The following ESR2 variants were observed in gnomAD, a reference collection of about 807,000 sequenced individuals.
ESR2 encodes the protein estrogen receptor 2.
ESR2 carries 36 observed loss-of-function variants against 49.6 expected under a neutral mutation model. The observed-to-expected ratio is 0.73, with a 90% CI of 0.56 to 0.96. ESR2 has a LOEUF of 0.96. Among genes scored for constraint, ESR2 ranks in the 40% least tolerant of loss-of-function variants. The pLI is 0.00. For missense variants in ESR2, 714 were observed against 693.0 expected (o/e 1.03, Z -0.34); for synonymous variants, 320 against 266.1 (o/e 1.20, Z -1.97).
At chr14:64,307,616 TCTC>T (rs1596479589) in intron 1 of ESR2, among the ~76,000 whole-genome samples, 1 of 149,996 alleles carries the variant, frequency 6.7e-6, no homozygotes. Context: ...CTCACTGCAA[TCTC>T]CGCCTCCTGG....
intron 1 of ESR2, among the ~76,000 whole-genome samples, chr14:64,285,355 C>T (rs775887882): frequency 2.6e-5 from 4 of 152,158 alleles, no homozygotes; most frequent in Admixed American, 1.3e-4. Flanking sequence ...ACACGAATCT[C>T]CTGCTGTTTT....
chr14:64,300,872 C>T (rs543176350), intron 1 of ESR2, among the ~76,000 whole-genome samples: 41 of 152,282 alleles, frequency 2.7e-4, no homozygotes, highest in Admixed American at 2.2e-3. Flanking sequence ...TCCCTTAATG[C>T]TTGCAATACC....
At chr14:64,281,162 G>GCCTGGA (rs1292072466) in intron 2 of ESR2, among the ~76,000 whole-genome samples, 2 of 152,140 alleles carry the variant, frequency 1.3e-5, no homozygotes, top group Non-Finnish European at 2.9e-5. Flanking sequence ...CAAGTGCCTG[G>GCCTGGA]CCTGGAAAGG....
chr14:64,243,452 C>T (rs1253818387), intron 7 of ESR2, among the ~76,000 whole-genome samples: 1 of 152,206 alleles, frequency 6.6e-6, no homozygotes, highest in African/African-American at 2.4e-5. Context: ...TTCAATGCAG[C>T]ATTGCCACAA....
rs1419868457 is a variant in ESR2 at position 64,241,141 on chromosome 14, G to A, written c.1226-5991C>T. Among the ~76,000 whole-genome samples the A allele has an allele frequency of 3.3e-4, 25 of 75,304 alleles. 1 individual carries two copies. The highest frequency in any genetic ancestry group is 4.6e-4 in the Non-Finnish European group (20 of 43,742). 49.4% of individuals were successfully genotyped at this position (75,304 alleles called of 152,430 possible). The stretch of plus-strand genomic sequence containing the variant: ...CGCCTGGGCCACAGAGCGAGACTCC[G>A]TCTCAAAAAAAAAAAAAAAAAAAAA... On this transcript the variant is annotated intron_variant, in intron 7 of 8. Coordinates refer to ENST00000341099, the MANE Select transcript of ESR2 (RefSeq NM_001437.3).
intron 1 of ESR2, among the ~76,000 whole-genome samples, chr14:64,324,483 A>G (rs1448825720): frequency 6.6e-6 from 1 of 152,218 alleles, no homozygotes; most frequent in African/African-American, 2.4e-5. Flanking sequence ...ATTGCCCAAA[A>G]TAACATCTAT....
intron 4 of ESR2, among the ~76,000 whole-genome samples, chr14:64,266,561 TACTC>T: frequency 6.6e-6 from 1 of 152,340 alleles, no homozygotes; most frequent in Middle Eastern, 3.4e-3. Flanking sequence ...CACACACACA[TACTC>T]ACTTTAAAAT....
chr14:64,295,968 T>C (rs1485639961), upstream of ESR2, among the ~76,000 whole-genome samples: 1 of 136,028 alleles, frequency 7.4e-6, no homozygotes, highest in Non-Finnish European at 1.5e-5. Context: ...CGCTTGAACA[T>C]GGGAGGCGGA....
chr14:64,243,195 T>C (rs188438535), intron 7 of ESR2, among the ~76,000 whole-genome samples: 15 of 152,310 alleles, frequency 9.8e-5, no homozygotes, highest in Admixed American at 3.9e-4. Context: ...GAATTCCAGA[T>C]GGTGGTGGGG....
chr14:64,236,966 T>TTTTTTC (rs2075618156), intron 7 of ESR2, among the ~76,000 whole-genome samples: 2 of 151,768 alleles, frequency 1.3e-5, no homozygotes, highest in Non-Finnish European at 1.5e-5. Context: ...CCTTTTTTTT[T>TTTTTTC]TTTTCTTTTC....
Position 64,260,593 on chromosome 14 carries a change from G to A in ESR2, c.808C>T (p.Leu270Phe), listed in dbSNP as rs139838202. 302 of 1,610,314 alleles carry A rather than the reference G, an allele frequency of 1.9e-4. No individual in the cohort carries two copies. The African/African-American group carries it at 3.6e-3, about 19-fold the overall frequency. The change falls in exon 5 of 9, where the codon CTC becomes TTC. Residue 270 changes from leucine (L) to phenylalanine (F), a missense_variant. By Grantham distance (22) the Leu-to-Phe change is conservative. Coordinates refer to ENST00000341099, the MANE Select transcript of ESR2 (RefSeq NM_001437.3). Reference sequence around the variant, plus strand: ...GGCGGCTCAGCCTCCAGGAGGGTGAGCACTAGCTGCTCGGGGCTCAGGGCG... The same window carrying A: ...GGCGGCTCAGCCTCCAGGAGGGTGAACACTAGCTGCTCGGGGCTCAGGGCG... The part of the protein sequence containing the change: ...LDALSPEQLV[L>F]TLLEAEPPHV...
chr14:64,255,334 CAATG>C (rs10629775), intron 6 of ESR2, among the ~76,000 whole-genome samples: 2 of 151,842 alleles, frequency 1.3e-5, no homozygotes, highest in Non-Finnish European at 1.5e-5. Context: ...AAGCAGAATA[CAATG>C]AATGAATGAG....
intron 2 of ESR2, among the ~76,000 whole-genome samples, chr14:64,280,484 C>G (rs2076643918): frequency 1.3e-5 from 2 of 152,248 alleles, no homozygotes; most frequent in African/African-American, 4.8e-5. Context: ...AAAGGAGTGG[C>G]CAGATCAAAT....
At position 64,310,308 on chromosome 14, in the gene ESR2, A is replaced by ATTATTATTATT. The variant is rs1555595520; in HGVS notation, c.-90-27234_-90-27233insAATAATAATAA. 2.1e-3 allele frequency among the ~76,000 whole-genome samples: 312 copies of ATTATTATTATT among 146,040 alleles called. 3 individuals are homozygous for ATTATTATTATT. The East Asian group carries it at 0.036, about 17-fold the overall frequency. On this transcript the variant is annotated intron_variant, in intron 1 of 8. Transcript: ENST00000358599. ...AAAAAATAATAATAATAATAATAAT[A>ATTATTATTATT]ATAATAATAATTCTGGGTGTAGAGC...
At chr14:64,280,425 G>A (rs1464872675) in intron 2 of ESR2, among the ~76,000 whole-genome samples, 4 of 152,146 alleles carry the variant, frequency 2.6e-5, no homozygotes, top group South Asian at 2.1e-4. Flanking sequence ...TGTCACTGCC[G>A]AAGACCAGTC....
At chr14:64,326,432 C>T (rs1381929997) in intron 1 of ESR2, among the ~76,000 whole-genome samples, 2 of 152,118 alleles carry the variant, frequency 1.3e-5, no homozygotes, top group Non-Finnish European at 2.9e-5. Context: ...CACCTACACT[C>T]ATTTATTATT....
At chr14:64,322,476 A>G (rs1034434948) in intron 1 of ESR2, among the ~76,000 whole-genome samples, 10 of 150,116 alleles carry the variant, frequency 6.7e-5, no homozygotes, top group Non-Finnish European at 1.2e-4. Flanking sequence ...GGGGTTTGAG[A>G]CCAGTCTGGG....
intron 7 of ESR2, among the ~76,000 whole-genome samples, chr14:64,249,217 T>C (rs541431088): frequency 3.3e-4 from 51 of 152,288 alleles, no homozygotes; most frequent in African/African-American, 1.2e-3. Context: ...TAAGTATAAA[T>C]GCATGCCAAC....
In ESR2 at chr14:64,233,215, G is replaced by A. The variant is rs375552642; in HGVS notation, c.1515C>T (p.Ser505=). 1.2e-6 allele frequency: 2 copies of A among 1,614,044 alleles called. No homozygotes were observed. Among genetic ancestry groups the A allele is most frequent in the African/African-American group, 1.3e-5 (1 of 74,916 alleles). Reference sequence around the variant, plus strand: ...GGCTGCACTCGGACCCCGTGATGGAGGACTTGCACCCGCGAAGCACGTGGG... The same window carrying A: ...GGCTGCACTCGGACCCCGTGATGGAAGACTTGCACCCGCGAAGCACGTGGG... ...LNAHVLRGCK[S]SITGSECSPA... The change falls in exon 9 of 9, where the codon TCC becomes TCT. Residue 505 remains serine (S), a synonymous_variant. Transcript: ENST00000341099.
Sources: gnomAD v4.1 joint callset for allele counts (sites outside exome capture counted in the v4.1 genomes callset) on GRCh38, gnomAD v4.1.1 for gene constraint, MANE v1.5 for transcripts, NCBI Gene and HGNC (gene_info 2026-07-23, HGNC 2026-07-21) for gene names.